The following GANC variants were observed in gnomAD, a reference collection of about 807,000 sequenced individuals.
The protein encoded by GANC is glucosidase alpha, neutral C.
A neutral mutation model predicts 124.2 loss-of-function variants in GANC; 117 were observed. The observed-to-expected ratio is 0.94, with a 90% CI of 0.81 to 1.10. The LOEUF (loss-of-function observed/expected upper bound fraction) is 1.10, where lower values mean the gene tolerates loss of function less well. Among genes scored for constraint, GANC ranks in the 50% least tolerant of loss-of-function variants. GANC has a pLI of 0.00. For missense variants in GANC, 1,140 were observed against 1,095.0 expected (o/e 1.04, Z -0.58); for synonymous variants, 377 against 376.8 (o/e 1.00, Z -0.01).
chr15:42,350,982 G>T (rs1031876100), intron 22 of GANC, among the ~76,000 whole-genome samples: 2 of 150,786 alleles, frequency 1.3e-5, no homozygotes, highest in Non-Finnish European at 3.0e-5. Flanking sequence ...GGGGATTCTC[G>T]TGTCTCAGCC....
chr15:42,323,907 C>T lies in GANC; in HGVS notation c.1293+1887C>T, dbSNP rs936251489. ...CAGAGGAAGGAGCATTAGGGGTGTT[C>T]GGAAAGCAGTGCACAGGCAAGTTTG... On this transcript the variant is annotated intron_variant, in intron 11 of 23. Transcript: ENST00000318010. Among the ~76,000 whole-genome samples the T allele has an allele frequency of 6.6e-5, 10 of 152,016 alleles. 1 individual carries two copies. Among genetic ancestry groups the T allele is most frequent in the South Asian group, 6.2e-4 (3 of 4,820 alleles).
At chr15:42,312,359 C>T (rs749949195) in intron 10 of GANC, among the ~76,000 whole-genome samples, 57 of 152,302 alleles carry the variant, frequency 3.7e-4, no homozygotes, top group Non-Finnish European at 6.5e-4. Context: ...CTTTCTCGTA[C>T]TGTTCTCGTG....
At chr15:42,327,060 C>T (rs2052203655) in intron 12 of GANC, among the ~76,000 whole-genome samples, 1 of 152,162 alleles carries the variant, frequency 6.6e-6, no homozygotes, top group Non-Finnish European at 1.5e-5. Flanking sequence ...ACCAAGAGAT[C>T]ACTGCAGGAT....
chr15:42,287,336 G>T (rs947835324), intron 3 of GANC, among the ~76,000 whole-genome samples: 6 of 152,142 alleles, frequency 3.9e-5, no homozygotes, highest in Non-Finnish European at 8.8e-5. Flanking sequence ...TGTATCTGTA[G>T]TTTATCATAG....
chr15:42,316,587 A>C (rs2052105534), intron 10 of GANC, among the ~76,000 whole-genome samples: 1 of 152,222 alleles, frequency 6.6e-6, no homozygotes. Flanking sequence ...GCTATCTACT[A>C]TGAACTTAAA....
chr15:42,320,182 T>G (rs1222792131), intron 10 of GANC, among the ~76,000 whole-genome samples: 9 of 128,904 alleles, frequency 7.0e-5, no homozygotes, highest in African/African-American at 2.2e-4. Context: ...AACTCCATCT[T>G]AAAAATAAAT....
chr15:42,303,832 C>T (rs1164238155), intron 6 of GANC, among the ~76,000 whole-genome samples: 5 of 152,132 alleles, frequency 3.3e-5, no homozygotes, highest in African/African-American at 4.8e-5. Flanking sequence ...GCACCCAATA[C>T]AGGAGCACCC....
intron 6 of GANC, among the ~76,000 whole-genome samples, chr15:42,301,466 TC>T (rs1845127857): frequency 6.6e-6 from 1 of 151,776 alleles, no homozygotes; most frequent in South Asian, 2.1e-4. Context: ...TTTTTTTTTT[TC>T]ATACCCCAGT....
intron 3 of GANC, among the ~76,000 whole-genome samples, chr15:42,281,733 G>A (rs2050057664): frequency 6.6e-6 from 1 of 152,096 alleles, no homozygotes; most frequent in African/African-American, 2.4e-5. Flanking sequence ...GAAAATTACA[G>A]ATTAACTTAC....
At position 42,287,704 on chromosome 15, in the gene GANC, C is replaced by T; in HGVS notation, c.215C>T (p.Ala72Val). 6.2e-7 allele frequency: 1 copy of T among 1,611,294 alleles called. No individual in the cohort carries two copies. Among genetic ancestry groups the T allele is most frequent in the Non-Finnish European group, 8.5e-7 (1 of 1,179,000 alleles). The change falls in exon 4 of 24, where the codon GCT (alanine) becomes GTT (valine). Residue 72 changes from alanine to valine, a missense_variant. By Grantham distance (64) the Ala-to-Val change is moderately conservative (BLOSUM62 0). Coordinates refer to ENST00000318010, the MANE Select transcript of GANC (RefSeq NM_198141.3). ...INEASKVPLL[A>V]EIYGIEGNIF... ...ATCTGTTTCCAGGTTCCTCTCCTGGCTGAAATTTATGGTATAGAAGGAAAC... is the reference window on the plus strand; with the variant it reads ...ATCTGTTTCCAGGTTCCTCTCCTGGTTGAAATTTATGGTATAGAAGGAAAC...
At chr15:42,306,727 C>T (rs956755328) in intron 7 of GANC, 115 bp downstream of exon 7, 2 of 626,956 alleles carry the variant, frequency 3.2e-6, no homozygotes, top group Non-Finnish European at 2.8e-6. Context: ...AACAGAAGAA[C>T]AGAAATCCCA....
At chr15:42,340,552 C>A in intron 17 of GANC, 138 bp from the exon 18 acceptor site, 1 of 646,126 alleles carries the variant, frequency 1.5e-6, no homozygotes, top group South Asian at 1.8e-5. Flanking sequence ...TGCAGTGAGC[C>A]AAGATAGCAC....
chr15:42,340,767 G>GTTTTTTTTT lies in GANC; in HGVS notation c.2152+22_2152+30dup. On this transcript the variant is annotated intron_variant, in intron 18 of 23. Coordinates refer to ENST00000318010, the MANE Select transcript of GANC (RefSeq NM_198141.3). ...GAATACATGCTGGGTGAGCATTTCT[G>GTTTTTTTTT]TTTTTTTTTTTTTTTTTGAGACGGA... 7.3e-7 allele frequency: 1 copy of GTTTTTTTTT among 1,375,162 alleles called. No individual in the cohort carries two copies. The highest frequency in any genetic ancestry group is 9.7e-7 in the Non-Finnish European group (1 of 1,030,124). 85.2% of individuals were successfully genotyped at this position (1,375,162 alleles called of 1,614,324 possible). A position where few individuals can be genotyped will look rare whatever the true frequency, so the allele number is the denominator to read the frequency against.
intron 6 of GANC, among the ~76,000 whole-genome samples, chr15:42,300,322 A>G (rs1460246064): frequency 6.6e-6 from 1 of 152,260 alleles, no homozygotes; most frequent in African/African-American, 2.4e-5. Context: ...TCAAAAGAAG[A>G]CATTTATGTG....
In GANC at chr15:42,352,898, T is replaced by C; in HGVS notation, c.*759T>C. 2.1e-6 allele frequency: 1 copy of C among 467,772 alleles called. No individual in the cohort carries two copies. Among genetic ancestry groups the C allele is most frequent in the Non-Finnish European group, 2.8e-6 (1 of 356,750 alleles). The allele number at this position is 467,772 out of a possible 1,614,324, so 29.0% of individuals were successfully genotyped here. On this transcript the variant is annotated 3_prime_UTR_variant, in exon 24 of 24. Transcript: ENST00000318010. Reference sequence around the variant, plus strand: ...GGACTTCAGAAGTAGAACTCATGACTGGGACTAGGATGAGGCAAGGGAGAC... The same window carrying C: ...GGACTTCAGAAGTAGAACTCATGACCGGGACTAGGATGAGGCAAGGGAGAC...
At chr15:42,300,686 A>C (rs1198174281) in intron 6 of GANC, among the ~76,000 whole-genome samples, 1 of 152,192 alleles carries the variant, frequency 6.6e-6, no homozygotes, top group East Asian at 1.9e-4. Context: ...TAGCAAAGAC[A>C]TGAAACCAAC....
intron 10 of GANC, among the ~76,000 whole-genome samples, chr15:42,311,835 A>G (rs1468678775): frequency 4.0e-5 from 5 of 123,900 alleles, no homozygotes; most frequent in Admixed American, 2.6e-4. Context: ...AATCCAAACC[A>G]TATCAATCAA....
At chr15:42,294,859 CTAGT>C (rs1208799324) in intron 5 of GANC, among the ~76,000 whole-genome samples, 6 of 151,046 alleles carry the variant, frequency 4.0e-5, no homozygotes, top group East Asian at 3.9e-4. Flanking sequence ...TGTTTTACAA[CTAGT>C]TAGTTTACTA....
At chr15:42,296,758 C>A (rs1233672873) in intron 5 of GANC, among the ~76,000 whole-genome samples, 1 of 151,406 alleles carries the variant, frequency 6.6e-6, no homozygotes, top group Non-Finnish European at 1.5e-5. Flanking sequence ...TATTTGGATT[C>A]GTCTTTTCTA....
Sources: allele counts gnomAD v4.1 joint callset (sites outside exome capture counted in the v4.1 genomes callset), GRCh38; gene constraint gnomAD v4.1.1; transcripts MANE v1.5; gene names NCBI Gene and HGNC (gene_info 2026-07-23, HGNC 2026-07-21).